FER1L6: variants seen among roughly 807,000 people sequenced by gnomAD.
FER1L6 encodes the protein fer-1-like protein 6.
In FER1L6, 177 loss-of-function variants were observed where a neutral mutation model predicts 219.2. That is an observed-to-expected ratio of 0.81 (90% CI 0.71 to 0.91). The LOEUF (loss-of-function observed/expected upper bound fraction) is 0.91. Ranked by LOEUF, FER1L6 falls within the 40% of genes least tolerant of loss-of-function variation. FER1L6 has a pLI of 0.00. For synonymous variants in FER1L6, 768 were observed against 824.3 expected (o/e 0.93, Z 1.17); for missense variants, 2,153 against 2,259.9 (o/e 0.95, Z 0.96).
At position 123,970,602 on chromosome 8, in the gene FER1L6, A is replaced by G. The variant is rs374105172; in HGVS notation, c.447+505A>G. Reference sequence around the variant, plus strand: ...TGTTGGATCAGAGGATGTGATTTGGACTAAGTGGTGGCCATTGGGATTTTC... The same window carrying G: ...TGTTGGATCAGAGGATGTGATTTGGGCTAAGTGGTGGCCATTGGGATTTTC... On this transcript the variant is annotated intron_variant, in intron 6 of 40. Coordinates refer to ENST00000522917, the MANE Select transcript of FER1L6 (RefSeq NM_001039112.2). 2.5e-4 allele frequency among the ~76,000 whole-genome samples: 38 copies of G among 152,260 alleles called. 1 individual carries two copies. In the South Asian group the frequency reaches 7.7e-3, roughly 31 times the overall value.
chr8:123,978,257 A>G (rs1050355672), intron 10 of FER1L6, among the ~76,000 whole-genome samples: 2 of 152,236 alleles, frequency 1.3e-5, no homozygotes, highest in African/African-American at 4.8e-5. Context: ...AATATGGCCT[A>G]CTACATATTT....
chr8:123,909,024 G>T (rs1813006373), intron 1 of FER1L6, among the ~76,000 whole-genome samples: 1 of 152,172 alleles, frequency 6.6e-6, no homozygotes, highest in Admixed American at 6.5e-5. Context: ...CATGTAAAGG[G>T]ATTAACCACT....
At chr8:123,978,191 G>GA (rs1367392022) in intron 10 of FER1L6, among the ~76,000 whole-genome samples, 2 of 152,128 alleles carry the variant, frequency 1.3e-5, no homozygotes, top group African/African-American at 4.8e-5. Context: ...TCCCATAATT[G>GA]AAAAATGAGA....
At chr8:123,889,929 T>C (rs1412850210) in intron 1 of FER1L6, among the ~76,000 whole-genome samples, 1 of 152,162 alleles carries the variant, frequency 6.6e-6, no homozygotes, top group Non-Finnish European at 1.5e-5. Context: ...TGTCTATCCT[T>C]GTGCACATTC....
At position 123,881,099 on chromosome 8, in the gene FER1L6, G is replaced by A. The variant is rs1000871922; in HGVS notation, c.-8+28914G>A. 4.6e-5 allele frequency among the ~76,000 whole-genome samples: 7 copies of A among 152,238 alleles called. No individual in the cohort carries two copies. The South Asian group carries it at 1.0e-3, about 23-fold the overall frequency. ...GGGAGTAATTTGAGAGTTATCTTTT[G>A]CTTATTTACTTAGATTGTTTATTAG... On this transcript the variant is annotated intron_variant, in intron 1 of 40. Coordinates refer to ENST00000522917, the MANE Select transcript of FER1L6 (RefSeq NM_001039112.2).
At chr8:123,996,118 G>A (rs1049481129) in intron 12 of FER1L6, among the ~76,000 whole-genome samples, 1 of 152,120 alleles carries the variant, frequency 6.6e-6, no homozygotes, top group African/African-American at 2.4e-5. Flanking sequence ...TGAGAAGAAT[G>A]TGTATTCTAT....
At chr8:123,856,844 T>A (rs905833501) in intron 1 of FER1L6, among the ~76,000 whole-genome samples, 1 of 152,022 alleles carries the variant, frequency 6.6e-6, no homozygotes, top group African/African-American at 2.4e-5. Flanking sequence ...AGAAAAAAAA[T>A]GTCCCACTAT....
chr8:123,997,858 T>A (rs1185227232), intron 12 of FER1L6, among the ~76,000 whole-genome samples: 2 of 152,226 alleles, frequency 1.3e-5, no homozygotes, highest in Non-Finnish European at 2.9e-5. Context: ...CTTGATTCTT[T>A]CTAATTATTC....
chr8:124,103,163 C>T lies in FER1L6; in HGVS notation c.5143C>T (p.Leu1715Phe). ...CTCCACAGGCACCCTGGAAATGAAC[C>T]TCAACAGTTTCCCTCGAGCAGCTAA... ...DDFLGTLEMNLNSFPRAAKSA... is the reference protein window; with the variant it reads ...DDFLGTLEMNFNSFPRAAKSA... The change falls in exon 39 of 41, where the codon CTC becomes TTC. Residue 1715 changes from leucine to phenylalanine, a missense_variant. Physicochemically the swap from Leu to Phe is conservative, Grantham distance 22. Coordinates refer to ENST00000522917, the MANE Select transcript of FER1L6 (RefSeq NM_001039112.2). The T allele has an allele frequency of 6.2e-7, 1 of 1,614,042 alleles. No individual in the cohort carries two copies. Among genetic ancestry groups the T allele is most frequent in the Non-Finnish European group, 8.5e-7 (1 of 1,179,958 alleles).
intron 39 of FER1L6, among the ~76,000 whole-genome samples, chr8:124,116,917 G>C (rs546552869): frequency 1.3e-5 from 2 of 152,310 alleles, no homozygotes; most frequent in South Asian, 4.1e-4. Context: ...ATCAATGCCA[G>C]AAGTTAGAGC....
chr8:123,968,280 C>T (rs1042183611), intron 5 of FER1L6, among the ~76,000 whole-genome samples: 5 of 152,134 alleles, frequency 3.3e-5, no homozygotes, highest in African/African-American at 9.7e-5. Flanking sequence ...ATCTAAATGA[C>T]GTTAAACTGG....
intron 32 of FER1L6, among the ~76,000 whole-genome samples, chr8:124,079,170 C>T (rs947515607): frequency 6.6e-6 from 1 of 152,186 alleles, no homozygotes; most frequent in Non-Finnish European, 1.5e-5. Context: ...TTTACAAAGA[C>T]ACCAGTCATA....
intron 37 of FER1L6, among the ~76,000 whole-genome samples, chr8:124,100,458 G>A (rs761341680): frequency 5.9e-5 from 9 of 152,194 alleles, no homozygotes; most frequent in Admixed American, 1.3e-4. Context: ...CAAAGGCACA[G>A]GGAGGTTAGA....
intron 2 of FER1L6, among the ~76,000 whole-genome samples, chr8:123,961,152 T>G (rs1815258433): frequency 6.6e-6 from 1 of 152,062 alleles, no homozygotes; most frequent in South Asian, 2.1e-4. Context: ...TCACAGCTAC[T>G]CAGGAGGCTG....
At chr8:123,958,978 C>T (rs1260661723) in intron 2 of FER1L6, among the ~76,000 whole-genome samples, 1 of 151,866 alleles carries the variant, frequency 6.6e-6, no homozygotes, top group Non-Finnish European at 1.5e-5. Flanking sequence ...AGGCAGTAAG[C>T]GTGGGCAGAA....
chr8:124,097,088 TATATATACATAC>T (rs748747547), intron 35 of FER1L6, among the ~76,000 whole-genome samples, 171 bp from the exon 36 acceptor site: 1 of 143,664 alleles, frequency 7.0e-6, no homozygotes, highest in Non-Finnish European at 1.5e-5. Context: ...TATATATATA[TATATATACATAC>T]ATACATACTT....
At chr8:123,995,815 C>T (rs1027550866) in intron 12 of FER1L6, among the ~76,000 whole-genome samples, 1 of 151,936 alleles carries the variant, frequency 6.6e-6, no homozygotes, top group African/African-American at 2.4e-5. Flanking sequence ...TATAAACATT[C>T]CTCTTAGTAC....
intron 35 of FER1L6, 51 bp downstream of exon 35, chr8:124,095,089 A>T (rs759837635): frequency 6.9e-6 from 11 of 1,599,794 alleles, no homozygotes; most frequent in South Asian, 3.4e-5. Flanking sequence ...TGTACTGTAG[A>T]GTAATGGTTT....
chr8:124,042,296 G>C (rs1819536535), intron 20 of FER1L6, among the ~76,000 whole-genome samples: 1 of 152,226 alleles, frequency 6.6e-6, no homozygotes, highest in Non-Finnish European at 1.5e-5. Context: ...TCTGGACTCT[G>C]TCTCCATAAT....
Sources: allele counts gnomAD v4.1 joint callset (sites outside exome capture counted in the v4.1 genomes callset), GRCh38; gene constraint gnomAD v4.1.1; transcripts MANE v1.5; gene names NCBI Gene and HGNC (gene_info 2026-07-23, HGNC 2026-07-21).